The following GPR139 variants were observed in gnomAD, a reference collection of about 807,000 sequenced individuals.
The protein encoded by GPR139 is G protein-coupled receptor 139, also known as probable G protein-coupled receptor 139.
Under a neutral mutation model 25.8 loss-of-function variants are expected in GPR139, and 12 were observed. That is an observed-to-expected ratio of 0.47 (90% CI 0.30 to 0.75). The LOEUF is 0.75. Among genes scored for constraint, GPR139 ranks in the 30% least tolerant of loss-of-function variants. The pLI, the probability that GPR139 is intolerant of heterozygous loss-of-function variation, is 0.07. For synonymous variants in GPR139, 184 were observed against 179.9 expected (o/e 1.02, Z -0.18); for missense variants, 380 against 450.2 (o/e 0.84, Z 1.41).
At chr16:20,060,216 C>T in intron 1 of GPR139, among the ~76,000 whole-genome samples, 1 of 151,888 alleles carries the variant, frequency 6.6e-6, no homozygotes, top group East Asian at 1.9e-4. Flanking sequence ...AGAACCATGG[C>T]CATTCTACAC....
intron 1 of GPR139, among the ~76,000 whole-genome samples, 186 bp from the exon 2 acceptor site, chr16:20,032,855 G>C (rs184160133): frequency 6.6e-5 from 10 of 152,336 alleles, no homozygotes; most frequent in African/African-American, 2.2e-4. Flanking sequence ...CTATTTTAAA[G>C]TTATGCTTAT....
rs1378762968 is a variant in GPR139 at position 20,030,488 on chromosome 16, A to G, written c.*1247T>C. Among the ~76,000 whole-genome samples, 1 of 152,232 alleles carries G rather than the reference A, an allele frequency of 6.6e-6. No homozygotes were observed. Among genetic ancestry groups the G allele is most frequent in the Admixed American group, 6.5e-5 (1 of 15,286 alleles). ...TTCCAGGGATGCCCCTATTCATTACATCCTAGAAATGTTCTTGCCTTGGAC... is the reference window on the plus strand; with the variant it reads ...TTCCAGGGATGCCCCTATTCATTACGTCCTAGAAATGTTCTTGCCTTGGAC... On this transcript the variant is annotated 3_prime_UTR_variant, in exon 2 of 2. Transcript: ENST00000570682.
At chr16:20,039,352 G>C (rs990450032) in intron 1 of GPR139, among the ~76,000 whole-genome samples, 2 of 152,146 alleles carry the variant, frequency 1.3e-5, no homozygotes, top group Admixed American at 6.5e-5. Context: ...GGTCTCTGCA[G>C]GTTCCTTGGA....
intron 1 of GPR139, among the ~76,000 whole-genome samples, chr16:20,038,978 G>A (rs549335737): frequency 6.6e-6 from 1 of 152,086 alleles, no homozygotes; most frequent in Non-Finnish European, 1.5e-5. Context: ...CTGATCCAAG[G>A]ATTCCATTGT....
chr16:20,065,395 G>A (rs1394921478), intron 1 of GPR139, among the ~76,000 whole-genome samples: 1 of 152,024 alleles, frequency 6.6e-6, no homozygotes, highest in African/African-American at 2.4e-5. Flanking sequence ...CACTTCTCTC[G>A]ACCTGGTCTG....
rs1457675183 is a variant in GPR139 at position 20,031,435 on chromosome 16, C to G, written c.*300G>C. The G allele has an allele frequency of 5.2e-6, 2 of 386,286 alleles. No homozygotes were observed. Among genetic ancestry groups the G allele is most frequent in the African/African-American group, 2.0e-5 (1 of 49,434 alleles). 23.9% of individuals were successfully genotyped at this position (386,286 alleles called of 1,614,324 possible). Reference sequence around the variant, plus strand: ...CAGGGCGAAATCACAGACTACTTCTCTACTTTGTGTCCTAACTGGTCACAG... The same window carrying G: ...CAGGGCGAAATCACAGACTACTTCTGTACTTTGTGTCCTAACTGGTCACAG... On this transcript the variant is annotated 3_prime_UTR_variant, in exon 2 of 2. Transcript: ENST00000570682.
chr16:20,063,557 A>T (rs577947330), intron 1 of GPR139, among the ~76,000 whole-genome samples: 1 of 152,370 alleles, frequency 6.6e-6, no homozygotes, highest in Admixed American at 6.5e-5. Flanking sequence ...TTAAACATAC[A>T]CTAGCACCAA....
At chr16:20,048,437 T>C (rs554257438) in intron 1 of GPR139, among the ~76,000 whole-genome samples, 2 of 152,308 alleles carry the variant, frequency 1.3e-5, no homozygotes, top group African/African-American at 2.4e-5. Flanking sequence ...ACTTGCTAAA[T>C]AGATCATCCC....
intron 1 of GPR139, among the ~76,000 whole-genome samples, chr16:20,058,431 G>A (rs2057399218): frequency 6.6e-6 from 1 of 152,086 alleles, no homozygotes; most frequent in Non-Finnish European, 1.5e-5. Context: ...GGCAAGGCAG[G>A]GAACAGAAGC....
chr16:20,028,705 A>G lies in GPR139; in HGVS notation c.*3030T>C, dbSNP rs144445192. 1.2e-3 allele frequency among the ~76,000 whole-genome samples: 187 copies of G among 152,232 alleles called. No individual in the cohort carries two copies. The highest frequency in any genetic ancestry group is 4.3e-3 in the African/African-American group (179 of 41,536). ...TGTCATTCCCCTCATTTCCTTCCCC[A>G]TGAGACATTTCAGCCGTCAAGTTGT... On this transcript the variant is annotated 3_prime_UTR_variant, in exon 2 of 2. Transcript: ENST00000570682.
In GPR139 at chr16:20,073,312, C is replaced by A. The variant is rs1320486090; in HGVS notation, c.127+178G>T. Among the ~76,000 whole-genome samples the A allele has an allele frequency of 6.6e-6, 1 of 152,072 alleles. No homozygotes were observed. Among genetic ancestry groups the A allele is most frequent in the Non-Finnish European group, 1.5e-5 (1 of 68,014 alleles). On this transcript the variant is annotated intron_variant, in intron 1 of 1. Coordinates refer to ENST00000570682, the MANE Select transcript of GPR139 (RefSeq NM_001002911.4). This position sits in a 1 kb window ranked among gnomAD's most constrained non-coding sequence, Gnocchi z 4.7. ...CGCGCACACACACACACACGGTCCC[C>A]AGCTAGGGCACAGCAACTTCCTTTC...
At chr16:20,042,166 C>G (rs1323441616) in intron 1 of GPR139, among the ~76,000 whole-genome samples, 1 of 152,136 alleles carries the variant, frequency 6.6e-6, no homozygotes, top group Admixed American at 6.6e-5. Context: ...ATAAATAGTA[C>G]CCACATAGGA....
At chr16:20,065,153 A>G (rs1202726180) in intron 1 of GPR139, among the ~76,000 whole-genome samples, 1 of 152,108 alleles carries the variant, frequency 6.6e-6, no homozygotes, top group Non-Finnish European at 1.5e-5. Context: ...GTGCTGGGCC[A>G]TATCAAGCCT....
chr16:20,059,057 G>A (rs1274067045), intron 1 of GPR139, among the ~76,000 whole-genome samples: 1 of 152,144 alleles, frequency 6.6e-6, no homozygotes, highest in Non-Finnish European at 1.5e-5. Context: ...ATGAGAGAGG[G>A]TGGGTGTGAA....
intron 1 of GPR139, among the ~76,000 whole-genome samples, chr16:20,057,118 T>C (rs1305996334): frequency 2.0e-5 from 3 of 152,228 alleles, no homozygotes; most frequent in Non-Finnish European, 2.9e-5. Context: ...TTTCTTGTCC[T>C]GTGCCCTGAA....
rs373862131 is a variant in GPR139 at position 20,048,823 on chromosome 16, C to T, written c.128-16154G>A. 3.5e-4 allele frequency among the ~76,000 whole-genome samples: 53 copies of T among 152,270 alleles called. 1 individual carries two copies. The highest frequency in any genetic ancestry group is 1.4e-3 in the East Asian group (7 of 5,168). Reference sequence around the variant, plus strand: ...TTTGCACAACCCACAAGGTACCTCCCGCACCATCAGCTCCCTTCTGCAACC... The same window carrying T: ...TTTGCACAACCCACAAGGTACCTCCTGCACCATCAGCTCCCTTCTGCAACC... On this transcript the variant is annotated intron_variant, in intron 1 of 1. Transcript: ENST00000570682.
intron 1 of GPR139, among the ~76,000 whole-genome samples, chr16:20,046,657 T>C (rs1451858567): frequency 1.3e-5 from 2 of 152,116 alleles, no homozygotes; most frequent in East Asian, 3.9e-4. Context: ...GTTCTGAGTT[T>C]GTGGCGAGGG....
chr16:20,073,624 C>A lies in GPR139; in HGVS notation c.-8G>T. 1 of 1,579,646 alleles carries A rather than the reference C, an allele frequency of 6.3e-7. No individual in the cohort carries two copies. The highest frequency in any genetic ancestry group is 8.6e-7 in the Non-Finnish European group (1 of 1,162,692). ...GGCGTGCGTGTGCTCCATGAGCGCG[C>A]CCCTCGCTCCCCTTGCCGCTTCGCG... On this transcript the variant is annotated 5_prime_UTR_variant, in exon 1 of 2. Transcript: ENST00000570682. This position sits in a 1 kb window ranked among gnomAD's most constrained non-coding sequence, Gnocchi z 4.7.
rs377565300 is a variant in GPR139 at position 20,060,899 on chromosome 16, A to T, written c.127+12591T>A. The stretch of plus-strand genomic sequence containing the variant: ...CACTCTTTCCTTCCATGTCCTTCAG[A>T]TTTCGATCACTCCTTCTTGAGGGGA... On this transcript the variant is annotated intron_variant, in intron 1 of 1. Transcript: ENST00000570682. 3.3e-5 allele frequency among the ~76,000 whole-genome samples: 5 copies of T among 152,010 alleles called. 1 individual carries two copies. Among genetic ancestry groups the T allele is most frequent in the East Asian group, 1.9e-4 (1 of 5,156 alleles).
Sources: allele counts gnomAD v4.1 joint callset (sites outside exome capture counted in the v4.1 genomes callset), GRCh38; gene constraint gnomAD v4.1.1; non-coding constraint Gnocchi (gnomAD v3.1); transcripts MANE v1.5; gene names NCBI Gene and HGNC (gene_info 2026-07-23, HGNC 2026-07-21).